The following HERC4 variants were observed in gnomAD, a reference collection of about 807,000 sequenced individuals.
The protein encoded by HERC4 is HECT and RLD domain containing E3 ubiquitin protein ligase 4, also known as probable E3 ubiquitin-protein ligase HERC4.
In HERC4, 28 loss-of-function variants were observed where a neutral mutation model predicts 124.3. The observed-to-expected ratio is 0.23, with a 90% CI of 0.17 to 0.31. The LOEUF (loss-of-function observed/expected upper bound fraction) is 0.31, where lower values mean the gene tolerates loss of function less well. HERC4 is among the 10% of genes least tolerant of loss of function. The pLI is 1.00. For synonymous variants in HERC4, 407 were observed against 421.5 expected (o/e 0.97, Z 0.42); for missense variants, 713 against 1,229.3 (o/e 0.58, Z 6.28).
chr10:67,986,143 A>G (rs2036248447), intron 15 of HERC4, among the ~76,000 whole-genome samples: 1 of 152,224 alleles, frequency 6.6e-6, no homozygotes, highest in African/African-American at 2.4e-5. Flanking sequence ...TAGAAGAAAG[A>G]TAATTCACTG....
At chr10:67,942,588 G>A (rs894571930) in intron 19 of HERC4, among the ~76,000 whole-genome samples, 5 of 151,968 alleles carry the variant, frequency 3.3e-5, no homozygotes, top group African/African-American at 1.2e-4. Flanking sequence ...CTTGGCTCAC[G>A]GCAACCTCCA....
At chr10:68,044,676 C>T (rs2039930658) in intron 3 of HERC4, 113 bp from the exon 4 acceptor site, 1 of 930,380 alleles carries the variant, frequency 1.1e-6, no homozygotes, top group Non-Finnish European at 1.6e-6. Context: ...TCATTTTATA[C>T]AAACAAGCTA....
chr10:68,063,468 A>G (rs1297694116), intron 3 of HERC4, among the ~76,000 whole-genome samples: 3 of 152,212 alleles, frequency 2.0e-5, no homozygotes, highest in African/African-American at 4.8e-5. Flanking sequence ...TCAGCCTCCC[A>G]AAGTGCTGTG....
intron 9 of HERC4, chr10:67,995,228 T>C: frequency 2.2e-6 from 1 of 455,128 alleles, no homozygotes; most frequent in Non-Finnish European, 4.4e-6. Context: ...AAACACATAA[T>C]TCCTTTGAGA....
At chr10:68,045,043 C>T (rs1028019437) in intron 3 of HERC4, among the ~76,000 whole-genome samples, 5 of 152,148 alleles carry the variant, frequency 3.3e-5, no homozygotes, top group African/African-American at 7.2e-5. Flanking sequence ...GAAACAGGCA[C>T]GGTGTGCTGG....
At chr10:68,057,075 T>G (rs1166302054) in intron 3 of HERC4, among the ~76,000 whole-genome samples, 1 of 152,178 alleles carries the variant, frequency 6.6e-6, no homozygotes, top group Admixed American at 6.5e-5. Flanking sequence ...TCTCCACAAC[T>G]TAACAGTTTT....
At chr10:68,035,206 G>A (rs556636850) in intron 5 of HERC4, among the ~76,000 whole-genome samples, 8 of 149,912 alleles carry the variant, frequency 5.3e-5, no homozygotes, top group African/African-American at 2.0e-4. Context: ...AGGTTGGAGT[G>A]CAGTGGCGCA....
chr10:67,934,153 T>C (rs1041951858), intron 22 of HERC4, among the ~76,000 whole-genome samples: 1 of 152,266 alleles, frequency 6.6e-6, no homozygotes, highest in African/African-American at 2.4e-5. Context: ...GATTAATCTT[T>C]AATGTAATTG....
At chr10:68,045,789 G>C (rs571663014) in intron 3 of HERC4, among the ~76,000 whole-genome samples, 2 of 152,144 alleles carry the variant, frequency 1.3e-5, no homozygotes, top group East Asian at 3.8e-4. Context: ...GTTAAAACTG[G>C]ATCAATCAGG....
At position 67,932,749 on chromosome 10, in the gene HERC4, T is replaced by C. The variant is rs1348782977; in HGVS notation, c.2686A>G (p.Ile896Val). 2.5e-6 allele frequency: 4 copies of C among 1,603,146 alleles called. No individual in the cohort carries two copies. Among genetic ancestry groups the C allele is most frequent in the Admixed American group, 1.8e-5 (1 of 56,112 alleles). The change falls in exon 23 of 25, where the codon ATA becomes GTA. Residue 896 changes from isoleucine to valine, a missense_variant. Ile to Val is a conservative substitution (Grantham distance 29). Transcript: ENST00000373700. ...QEFVDAYVDYIFNKSVASLFD... is the reference protein window; with the variant it reads ...QEFVDAYVDYVFNKSVASLFD... ...AAGGAAGCCACTGATTTATTGAATA[T>C]GTAATCCACATAAGCATCGACAAAC... is the stretch of plus-strand genomic sequence containing the variant.
At chr10:67,945,620 A>C (rs79532273) in intron 19 of HERC4, among the ~76,000 whole-genome samples, 1 of 108,540 alleles carries the variant, frequency 9.2e-6, no homozygotes, top group African/African-American at 2.5e-5. Flanking sequence ...ACATGAACCA[A>C]TAAAAAATAA....
intron 5 of HERC4, among the ~76,000 whole-genome samples, chr10:68,035,823 A>T (rs1468739863): frequency 6.6e-6 from 1 of 152,086 alleles, no homozygotes; most frequent in Non-Finnish European, 1.5e-5. Context: ...TCCCAGCAGG[A>T]GCCTTCCTTC....
chr10:68,011,692 T>C (rs2037964853), intron 9 of HERC4, among the ~76,000 whole-genome samples: 2 of 152,194 alleles, frequency 1.3e-5, no homozygotes, highest in South Asian at 4.1e-4. Context: ...TGTTGTTCCA[T>C]TTATAGAATA....
intron 16 of HERC4, among the ~76,000 whole-genome samples, chr10:67,958,513 C>G (rs563430298): frequency 5.9e-4 from 90 of 152,164 alleles, no homozygotes; most frequent in African/African-American, 2.0e-3. Flanking sequence ...ACATAGCAAC[C>G]AACAAAATGC....
chr10:67,959,090 G>A (rs776723590), intron 16 of HERC4: 12 of 1,588,452 alleles, frequency 7.6e-6, no homozygotes, highest in Non-Finnish European at 1.0e-5. Flanking sequence ...CTCTAAACAT[G>A]AGCTTTATTA....
chr10:67,935,540 T>A (rs1183406568), intron 22 of HERC4, among the ~76,000 whole-genome samples: 1 of 152,140 alleles, frequency 6.6e-6, no homozygotes, highest in Non-Finnish European at 1.5e-5. Context: ...TTTCAGCACT[T>A]AATCTCCCTG....
intron 19 of HERC4, among the ~76,000 whole-genome samples, chr10:67,951,995 C>A (rs934989259): frequency 1.4e-4 from 21 of 152,150 alleles, no homozygotes; most frequent in African/African-American, 5.1e-4. Context: ...CTCCACCACA[C>A]CTCAATGCCC....
intron 15 of HERC4, among the ~76,000 whole-genome samples, chr10:67,985,572 C>G (rs796235895): frequency 2.8e-4 from 43 of 152,252 alleles, no homozygotes; most frequent in African/African-American, 9.9e-4. Context: ...GTTTGAAAAT[C>G]ACTGATTTAG....
intron 9 of HERC4, chr10:67,994,297 C>T (rs978021998): frequency 4.6e-5 from 7 of 152,104 alleles, no homozygotes; most frequent in African/African-American, 1.7e-4. Context: ...TATTTATTTA[C>T]TCTTAAAATG....
Sources: gnomAD v4.1 joint callset for allele counts (sites outside exome capture counted in the v4.1 genomes callset) on GRCh38, gnomAD v4.1.1 for gene constraint, MANE v1.5 for transcripts, NCBI Gene and HGNC (gene_info 2026-07-23, HGNC 2026-07-21) for gene names.